Variants in FAM163B observed in about 807,000 individuals in gnomAD.
The protein encoded by FAM163B is protein FAM163B.
A neutral mutation model predicts 7.6 loss-of-function variants in FAM163B; 4 were observed. The ratio of observed to expected loss-of-function variants is 0.52; its 90% CI spans 0.26 to 1.20. FAM163B has a LOEUF of 1.20. FAM163B is among the 50% of genes most tolerant of loss of function. The probability of loss-of-function intolerance (pLI) is 0.14; values close to 1 mark genes in which losing one functional copy is unlikely to be tolerated. For missense variants in FAM163B, 250 were observed against 243.0 expected (o/e 1.03, Z -0.19); for synonymous variants, 120 against 111.6 (o/e 1.07, Z -0.47).
At chr9:133,587,775 G>C (rs1397952196) in intron 1 of FAM163B, among the ~76,000 whole-genome samples, 1 of 152,056 alleles carries the variant, frequency 6.6e-6, no homozygotes, top group Non-Finnish European at 1.5e-5. Flanking sequence ...GTCTGAGGGA[G>C]GCGGGGCACT....
chr9:133,579,675 T>A lies in FAM163B; in HGVS notation c.94-246A>T, dbSNP rs1016453168. ...CAGCAACGTGCAGGTGTGACTGTTA[T>A]CTCCATTTTGCAGGTGGGGAGACTG... On this transcript the variant is annotated intron_variant, in intron 2 of 2. Coordinates refer to ENST00000673969, the MANE Select transcript of FAM163B (RefSeq NM_001080515.3). 1.1e-3 allele frequency among the ~76,000 whole-genome samples: 172 copies of A among 152,328 alleles called. 1 individual carries two copies. Among genetic ancestry groups the A allele is most frequent in the African/African-American group, 3.9e-3 (162 of 41,564 alleles).
At chr9:133,590,081 TCCCCTTCCCTTC>T (rs1831519811) in intron 1 of FAM163B, among the ~76,000 whole-genome samples, 1 of 24,656 alleles carries the variant, frequency 4.1e-5, no homozygotes, top group African/African-American at 1.7e-4. Flanking sequence ...CCCTTCCCCT[TCCCCTTCCCTTC>T]CCCTTCCCCT....
chr9:133,587,932 A>T (rs1831465074), intron 1 of FAM163B, among the ~76,000 whole-genome samples: 1 of 150,960 alleles, frequency 6.6e-6, no homozygotes, highest in Admixed American at 6.6e-5. Context: ...GGGACAGAGA[A>T]AAGAGAAAAA....
intron 1 of FAM163B, among the ~76,000 whole-genome samples, chr9:133,589,477 TG>T (rs946954236): frequency 3.9e-5 from 6 of 152,178 alleles, no homozygotes; most frequent in African/African-American, 1.4e-4. Flanking sequence ...TCAAATCTGA[TG>T]TATCTCCTTT....
chr9:133,581,564 G>A (rs1831356722), intron 1 of FAM163B, among the ~76,000 whole-genome samples: 1 of 152,170 alleles, frequency 6.6e-6, no homozygotes, highest in African/African-American at 2.4e-5. Flanking sequence ...CGGTTGGTTA[G>A]TTCAAATCAG....
chr9:133,588,775 G>C (rs1040767935), intron 1 of FAM163B, among the ~76,000 whole-genome samples: 1 of 85,528 alleles, frequency 1.2e-5, no homozygotes, highest in African/African-American at 4.4e-5. Flanking sequence ...ACCTTGCCCA[G>C]GGTCACCGGG....
At position 133,600,052 on chromosome 9, in the gene FAM163B, TGTGA is replaced by T. The variant is rs1831695542; in HGVS notation, c.-24+9021_-24+9024del. Among the ~76,000 whole-genome samples, 6 of 146,228 alleles carry T rather than the reference TGTGA, an allele frequency of 4.1e-5. No individual in the cohort carries two copies. Among genetic ancestry groups the T allele is most frequent in the Admixed American group, 2.8e-4 (4 of 14,404 alleles). On this transcript the variant is annotated intron_variant, in intron 1 of 2. Coordinates refer to ENST00000673969, the MANE Select transcript of FAM163B (RefSeq NM_001080515.3). The surrounding 1 kb of genome is among the most constrained non-coding windows in gnomAD (Gnocchi z 4.9). Reference sequence around the variant, plus strand: ...TGTATGTGTGGTCTGTGTGGATGTGTGTGAGTTTGTGTGTGCATGTGTGTGTGTC... The same window carrying T: ...TGTATGTGTGGTCTGTGTGGATGTGTGTTTGTGTGTGCATGTGTGTGTGTC...
rs542474047 is a variant in FAM163B at position 133,598,550 on chromosome 9, G to A, written c.-24+10527C>T. Among the ~76,000 whole-genome samples the A allele has an allele frequency of 7.2e-5, 11 of 151,994 alleles. No individual in the cohort carries two copies. The South Asian group carries it at 2.3e-3, about 32-fold the overall frequency. On this transcript the variant is annotated intron_variant, in intron 1 of 2. Coordinates refer to ENST00000673969, the MANE Select transcript of FAM163B (RefSeq NM_001080515.3). The stretch of plus-strand genomic sequence containing the variant: ...GGGGCTCTTCTTAACCCAACAGTTG[G>A]GGCACTTAGATAATTTCGGCCCAGG...
chr9:133,603,996 C>T lies in FAM163B; in HGVS notation c.-24+5081G>A, dbSNP rs1348140254. ...CTGGGATTACAGGCGCATGCCACCA[C>T]GCCCGGCTCTCTTTTTTGTATTTTT... is the stretch of plus-strand genomic sequence containing the variant. On this transcript the variant is annotated intron_variant, in intron 1 of 2. Coordinates refer to ENST00000673969, the MANE Select transcript of FAM163B (RefSeq NM_001080515.3). Among the ~76,000 whole-genome samples, 7 of 152,178 alleles carry T rather than the reference C, an allele frequency of 4.6e-5. No homozygotes were observed. In the East Asian group the frequency reaches 5.8e-4, roughly 13 times the overall value.
rs34792384 is a variant in FAM163B at position 133,577,428 on chromosome 9, G to C, written c.*1594C>G. Among the ~76,000 whole-genome samples the C allele has an allele frequency of 0.036, 5,551 of 152,382 alleles. 163 individuals are homozygous for C. The highest frequency in any genetic ancestry group is 0.075 in the Middle Eastern group (22 of 292). On this transcript the variant is annotated 3_prime_UTR_variant, in exon 3 of 3. Transcript: ENST00000673969. The stretch of plus-strand genomic sequence containing the variant: ...TGGCCTGTCCAAACGAGGCAGGAGA[G>C]AAAGTAAGAGGAGGAAAACAATTGA...
At chr9:133,608,540 C>T (rs1248505397) in intron 1 of FAM163B, among the ~76,000 whole-genome samples, 1 of 152,226 alleles carries the variant, frequency 6.6e-6, no homozygotes, top group African/African-American at 2.4e-5. Flanking sequence ...GCCATCTCCA[C>T]CACTTCCCCA....
intron 1 of FAM163B, among the ~76,000 whole-genome samples, chr9:133,598,853 G>A (rs924748168): frequency 2.0e-5 from 3 of 152,274 alleles, no homozygotes; most frequent in African/African-American, 7.2e-5. Context: ...TGAGCTGCTG[G>A]TTCATGTGCC....
chr9:133,588,417 C>T (rs1315180324), intron 1 of FAM163B, among the ~76,000 whole-genome samples: 7 of 151,698 alleles, frequency 4.6e-5, no homozygotes, highest in Non-Finnish European at 8.8e-5. Context: ...GAGTTGTGGC[C>T]GCTGCTGTCA....
In FAM163B at chr9:133,577,296, C is replaced by T. The variant is rs1310152576; in HGVS notation, c.*1726G>A. Among the ~76,000 whole-genome samples, 1 of 151,340 alleles carries T rather than the reference C, an allele frequency of 6.6e-6. No individual in the cohort carries two copies. Among genetic ancestry groups the T allele is most frequent in the Non-Finnish European group, 1.5e-5 (1 of 67,752 alleles). On this transcript the variant is annotated 3_prime_UTR_variant, in exon 3 of 3. Coordinates refer to ENST00000673969, the MANE Select transcript of FAM163B (RefSeq NM_001080515.3). Reference sequence around the variant, plus strand: ...TCCCCACCCCACCCAGCCCACCCCCCACGCCAACGCATCAGAAACAGACTT... The same window carrying T: ...TCCCCACCCCACCCAGCCCACCCCCTACGCCAACGCATCAGAAACAGACTT...
intron 1 of FAM163B, among the ~76,000 whole-genome samples, chr9:133,608,102 T>G (rs1680076276): frequency 6.6e-6 from 1 of 152,256 alleles, no homozygotes; most frequent in Non-Finnish European, 1.5e-5. Context: ...CTGAGGGAAA[T>G]GCAAGGGAGA....
chr9:133,606,682 C>T lies in FAM163B; in HGVS notation c.-24+2395G>A, dbSNP rs1237993547. Among the ~76,000 whole-genome samples the T allele has an allele frequency of 6.6e-6, 1 of 152,176 alleles. No homozygotes were observed. On this transcript the variant is annotated intron_variant, in intron 1 of 2. Coordinates refer to ENST00000673969, the MANE Select transcript of FAM163B (RefSeq NM_001080515.3). The surrounding 1 kb of genome is among the most constrained non-coding windows in gnomAD (Gnocchi z 4.0). Reference sequence around the variant, plus strand: ...TTACCAACACACAGATCAGGACTTGCTACTCTGAAGAGGGAAGTGGCGGTA... The same window carrying T: ...TTACCAACACACAGATCAGGACTTGTTACTCTGAAGAGGGAAGTGGCGGTA...
rs1207981687 is a variant in FAM163B at position 133,598,361 on chromosome 9, C to T, written c.-24+10716G>A. Among the ~76,000 whole-genome samples, 4 of 151,432 alleles carry T rather than the reference C, an allele frequency of 2.6e-5. No individual in the cohort carries two copies. In the East Asian group the frequency reaches 7.8e-4, roughly 29 times the overall value. On this transcript the variant is annotated intron_variant, in intron 1 of 2. Coordinates refer to ENST00000673969, the MANE Select transcript of FAM163B (RefSeq NM_001080515.3). ...CTGCACACCAACCCTGAACCGTATG[C>T]ATCCTTACCCATCAACACAGGAGTG...
chr9:133,604,620 T>C (rs906497454), intron 1 of FAM163B, among the ~76,000 whole-genome samples: 5 of 152,244 alleles, frequency 3.3e-5, no homozygotes, highest in African/African-American at 9.6e-5. Context: ...ACAGTCACCC[T>C]TGCTTTATGC....
chr9:133,585,358 G>C (rs545046232), intron 1 of FAM163B, among the ~76,000 whole-genome samples: 1 of 152,040 alleles, frequency 6.6e-6, no homozygotes, highest in South Asian at 2.1e-4. Context: ...CACACGTCCC[G>C]TGCTGAATTT....
Sources: allele counts gnomAD v4.1 joint callset (sites outside exome capture counted in the v4.1 genomes callset), GRCh38; gene constraint gnomAD v4.1.1; non-coding constraint Gnocchi (gnomAD v3.1); transcripts MANE v1.5; gene names NCBI Gene and HGNC (gene_info 2026-07-23, HGNC 2026-07-21).